The following VPS53 variants were observed in gnomAD, a reference collection of about 807,000 sequenced individuals.
VPS53 encodes the protein VPS53 subunit of GARP complex, also known as vacuolar protein sorting-associated protein 53 homolog.
In VPS53, 70 loss-of-function variants were observed where a neutral mutation model predicts 107.0. That is an observed-to-expected ratio of 0.65 (90% CI 0.54 to 0.80). The LOEUF is 0.80. Among genes scored for constraint, VPS53 ranks in the 30% least tolerant of loss-of-function variants. The probability of loss-of-function intolerance (pLI) is 0.00; values close to 1 mark genes in which losing one functional copy is unlikely to be tolerated. For synonymous variants in VPS53, 409 were observed against 393.3 expected, an observed-to-expected ratio of 1.04 and a Z score of -0.47; for missense variants, 917 against 1,049.4, an observed-to-expected ratio of 0.87 and a Z score of 1.74.
At chr17:697,991 C>T (rs1973046800) in intron 3 of VPS53, among the ~76,000 whole-genome samples, 1 of 152,166 alleles carries the variant, frequency 6.6e-6, no homozygotes. Context: ...AATGTTTAAT[C>T]ATGGGCCACC....
rs1449499086 is a variant in VPS53 at position 518,274 on chromosome 17, A to C, written c.*854T>G. On this transcript the variant is annotated 3_prime_UTR_variant, in exon 22 of 22. Coordinates refer to ENST00000437048, the MANE Select transcript of VPS53 (RefSeq NM_001128159.3). ...CCCTGCTGCAGAGAGCCCGCGGTGG[A>C]CAGGAAGGGCGGGGGGGGCGGGCAG... The C allele has an allele frequency of 7.6e-6, 1 of 130,880 alleles. No homozygotes were observed. The highest frequency in any genetic ancestry group is 1.6e-5 in the Non-Finnish European group (1 of 62,772). The allele number at this position is 130,880 out of a possible 1,614,324, so 8.1% of individuals were successfully genotyped here.
At chr17:643,126 G>T (rs1970508154) in intron 7 of VPS53, among the ~76,000 whole-genome samples, 1 of 120,154 alleles carries the variant, frequency 8.3e-6, no homozygotes, top group Non-Finnish European at 1.9e-5. Context: ...CTCACACTTG[G>T]AAAGCGAGGA....
rs1908016618 is a variant in VPS53 at position 512,604 on chromosome 17, G to C, written c.*6524C>G. ...CTTTTCTCATTAGGTTGATCCCTTG[G>C]CTTCCCTAGTAAAGTGGGGAGCTGT... On this transcript the variant is annotated 3_prime_UTR_variant, in exon 22 of 22. Transcript: ENST00000437048. The C allele has an allele frequency of 6.6e-6, 1 of 152,208 alleles. No homozygotes were observed. Among genetic ancestry groups the C allele is most frequent in the East Asian group, 1.9e-4 (1 of 5,204 alleles). The allele number at this position is 152,208 out of a possible 1,614,324, so 9.4% of individuals were successfully genotyped here.
chr17:624,558 G>A (rs1045223700), intron 10 of VPS53, among the ~76,000 whole-genome samples: 2 of 152,188 alleles, frequency 1.3e-5, no homozygotes, highest in Non-Finnish European at 2.9e-5. Context: ...AAGAGTCTCT[G>A]AGTTTATTTG....
chr17:592,258 C>T (rs528584066), intron 12 of VPS53, among the ~76,000 whole-genome samples: 99 of 152,308 alleles, frequency 6.5e-4, no homozygotes, highest in Non-Finnish European at 1.2e-3. Context: ...CTTCCTCCAT[C>T]CTTTCATTTT....
At chr17:684,647 G>A (rs886687792) in intron 4 of VPS53, among the ~76,000 whole-genome samples, 2 of 152,064 alleles carry the variant, frequency 1.3e-5, no homozygotes, top group Non-Finnish European at 2.9e-5. Flanking sequence ...TAGACTCAAC[G>A]CAATCCCAAT....
intron 8 of VPS53, 126 bp downstream of exon 8, chr17:631,424 G>C (rs1000192118): frequency 5.0e-6 from 5 of 991,204 alleles, no homozygotes; most frequent in Non-Finnish European, 7.9e-6. Context: ...CCCTGAACCT[G>C]CAGCAGAAGG....
At chr17:595,373 T>G (rs1228472502) in intron 12 of VPS53, among the ~76,000 whole-genome samples, 41 of 37,054 alleles carry the variant, frequency 1.1e-3, no homozygotes, top group South Asian at 2.8e-3. Flanking sequence ...ATTTCCTGGT[T>G]TGATGATGCA....
chr17:582,936 T>C (rs905267184), intron 13 of VPS53, among the ~76,000 whole-genome samples: 9 of 148,080 alleles, frequency 6.1e-5, no homozygotes, highest in African/African-American at 2.3e-4. Flanking sequence ...ACCTAATGTG[T>C]TTCCAGAGAA....
chr17:561,699 G>A (rs889991799), intron 14 of VPS53, among the ~76,000 whole-genome samples: 2 of 152,072 alleles, frequency 1.3e-5, no homozygotes, highest in African/African-American at 2.4e-5. Flanking sequence ...GCACAATCTC[G>A]GCTCAGCGCA....
chr17:529,018 T>C (rs2151801738), intron 19 of VPS53, among the ~76,000 whole-genome samples: 1 of 152,366 alleles, frequency 6.6e-6, no homozygotes, highest in African/African-American at 2.4e-5. Context: ...ACCAGCAATG[T>C]ATGAGTGTTC....
rs149120465 is a variant in VPS53 at position 699,357 on chromosome 17, G to A, written c.192C>T (p.Val64=). The change falls in exon 3 of 22, where the codon GTC becomes GTT. Residue 64 remains valine (V), a synonymous_variant. Transcript: ENST00000437048. ...TEQSLANIDE[V]VNKIRLKIRR... ...TTATTTTCAGCCTAATTTTGTTCAC[G>A]ACTTCGTCTATGTTCGCCAGAGACT... The A allele has an allele frequency of 1.5e-5, 23 of 1,571,728 alleles. No individual in the cohort carries two copies. Among genetic ancestry groups the A allele is most frequent in the African/African-American group, 8.3e-5 (6 of 72,176 alleles).
At chr17:573,369 A>G (rs1914336645) in intron 13 of VPS53, among the ~76,000 whole-genome samples, 1 of 152,228 alleles carries the variant, frequency 6.6e-6, no homozygotes, top group Non-Finnish European at 1.5e-5. Context: ...GCTAGTGGCC[A>G]TCCCCACTTC....
Position 692,901 on chromosome 17 carries a change from C to T in VPS53, c.285+4517G>A, listed in dbSNP as rs59520309. 9.9e-3 allele frequency among the ~76,000 whole-genome samples: 1,504 copies of T among 151,916 alleles called. 24 individuals are homozygous for T. Among genetic ancestry groups the T allele is most frequent in the African/African-American group, 0.034 (1,406 of 41,410 alleles). ...CTGTAATCCCAGCACTTTGGGAGGC[C>T]GAGGCGGGCGGACCATGAAGTCAGG... On this transcript the variant is annotated intron_variant, in intron 4 of 21. Coordinates refer to ENST00000437048, the MANE Select transcript of VPS53 (RefSeq NM_001128159.3).
chr17:525,889 C>T (rs929107730), intron 19 of VPS53, among the ~76,000 whole-genome samples: 1 of 146,166 alleles, frequency 6.8e-6, no homozygotes, highest in Admixed American at 7.0e-5. Flanking sequence ...CCCAGCTACT[C>T]GGGAGGCTGA....
intron 13 of VPS53, among the ~76,000 whole-genome samples, chr17:573,290 C>T (rs1914330999): frequency 6.6e-6 from 1 of 152,208 alleles, no homozygotes; most frequent in South Asian, 2.1e-4. Flanking sequence ...ACAGACTAAC[C>T]TCCTCTTTGA....
At chr17:639,667 T>G (rs1357976178) in intron 7 of VPS53, among the ~76,000 whole-genome samples, 2 of 152,332 alleles carry the variant, frequency 1.3e-5, no homozygotes, top group East Asian at 3.9e-4. Context: ...TGTTGGAGTT[T>G]GCTGGAGGTC....
At chr17:601,999 C>A (rs1402833394) in intron 11 of VPS53, 103 bp from the exon 12 acceptor site, 35 of 820,272 alleles carry the variant, frequency 4.3e-5, no homozygotes, top group Non-Finnish European at 5.8e-5. Context: ...AAGTCATGCA[C>A]GCTATCTGAT....
intron 12 of VPS53, chr17:600,773 T>G (rs1284509441): frequency 6.6e-6 from 1 of 152,228 alleles, no homozygotes. Context: ...ACTTAACCTC[T>G]CTGAGCTGCA....
Sources: allele counts gnomAD v4.1 joint callset (sites outside exome capture counted in the v4.1 genomes callset), GRCh38; gene constraint gnomAD v4.1.1; transcripts MANE v1.5; gene names NCBI Gene and HGNC (gene_info 2026-07-23, HGNC 2026-07-21).